Variants in CNTN2 observed in about 807,000 individuals in gnomAD.
CNTN2 encodes contactin-2.
In CNTN2, 53 loss-of-function variants were observed where a neutral mutation model predicts 117.5. That is an observed-to-expected ratio of 0.45 (90% confidence interval 0.36 to 0.57). The LOEUF is 0.57. Ranked by LOEUF, CNTN2 falls within the 20% of genes least tolerant of loss-of-function variation. The probability of loss-of-function intolerance (pLI) is 0.00; values close to 1 mark genes in which losing one functional copy is unlikely to be tolerated. For missense variants in CNTN2, 1,106 were observed against 1,404.3 expected, an observed-to-expected ratio of 0.79 and a Z score of 3.39; for synonymous variants, 530 against 561.7, an observed-to-expected ratio of 0.94 and a Z score of 0.80.
chr1:205,074,361 T>C lies in CNTN2; in HGVS notation c.*596T>C. 1 of 400,286 alleles carries C rather than the reference T, an allele frequency of 2.5e-6. No homozygotes were observed. Among genetic ancestry groups the C allele is most frequent in the Non-Finnish European group, 4.4e-6 (1 of 226,956 alleles). 24.8% of individuals were successfully genotyped at this position (400,286 alleles called of 1,614,324 possible). On this transcript the variant is annotated 3_prime_UTR_variant, in exon 23 of 23. Coordinates refer to ENST00000331830, the MANE Select transcript of CNTN2 (RefSeq NM_005076.5). The stretch of plus-strand genomic sequence containing the variant: ...GGCTGAGAACCAGCGCCCCGATGCC[T>C]GAGGCTGGGAGCCTGAGCCCCTTCA...
intron 2 of CNTN2, among the ~76,000 whole-genome samples, chr1:205,056,736 A>T (rs1243665073): frequency 6.6e-6 from 1 of 152,118 alleles, no homozygotes; most frequent in African/African-American, 2.4e-5. Context: ...AGCAAAACGG[A>T]CTGGCCCCAC....
chr1:205,064,403 A>G lies in CNTN2; in HGVS notation c.1322A>G (p.Gln441Arg). ...ARGGEILIPC[Q>R]PRAAPKAVVL... ...GGGGGAGAGATCCTTATCCCCTGCCAGCCCCGGGCAGCTCCAAAGGCCGTG... is the reference window on the plus strand; with the variant it reads ...GGGGGAGAGATCCTTATCCCCTGCCGGCCCCGGGCAGCTCCAAAGGCCGTG... Residue 441 changes from glutamine (Q) to arginine (R), a missense_variant, in exon 11 of 23, where the codon CAG becomes CGG. Transcript: ENST00000331830. 1 of 1,612,718 alleles carries G rather than the reference A, an allele frequency of 6.2e-7. No individual in the cohort carries two copies. Among genetic ancestry groups the G allele is most frequent in the South Asian group, 1.1e-5 (1 of 91,040 alleles).
chr1:205,063,758 T>C (rs1394652290), intron 10 of CNTN2: 1 of 151,814 alleles, frequency 6.6e-6, no homozygotes, highest in East Asian at 1.9e-4. Context: ...GTCAGAGAAG[T>C]CCTCTCTGAG....
In CNTN2 at chr1:205,058,006, C is replaced by T. The variant is rs1463735538; in HGVS notation, c.156C>T (p.Ser52=). 1 of 1,614,120 alleles carries T rather than the reference C, an allele frequency of 6.2e-7. No homozygotes were observed. Among genetic ancestry groups the T allele is most frequent in the Non-Finnish European group, 8.5e-7 (1 of 1,180,018 alleles). Residue 52 remains serine, a synonymous_variant, in exon 3 of 23, where the codon TCC becomes TCT. Transcript: ENST00000331830. This position sits in a 1 kb window ranked among gnomAD's most constrained non-coding sequence, Gnocchi z 4.3. ...TCAGTGTGCTATTCCCAGAGGAGTCCACGGAGGAGCAGGTGTTGCTGGCAT... is the reference window on the plus strand; with the variant it reads ...TCAGTGTGCTATTCCCAGAGGAGTCTACGGAGGAGCAGGTGTTGCTGGCAT... ...QPLSVLFPEE[S]TEEQVLLACR... is the part of the protein sequence containing the mutation.
At chr1:205,071,707 A>G (rs3820338) in intron 19 of CNTN2, among the ~76,000 whole-genome samples, 120,219 of 152,068 alleles carry the variant, frequency 0.79, 48,873 homozygotes, top group East Asian at 0.97. Flanking sequence ...CTGTGCCACC[A>G]GCTCCCTCCC....
In CNTN2 at chr1:205,061,988, C is replaced by T. The variant is rs2229866; in HGVS notation, c.1097C>T (p.Pro366Leu). 628,607 of 1,612,718 alleles carry T rather than the reference C, an allele frequency of 0.39. 135,211 individuals are homozygous for T. The highest frequency in any genetic ancestry group is 0.87 in the East Asian group (39,089 of 44,824). The change falls in exon 9 of 23, where the codon CCT becomes CTT. Residue 366 changes from proline to leucine, a missense_variant. Coordinates refer to ENST00000331830, the MANE Select transcript of CNTN2 (RefSeq NM_005076.5). This position sits in a 1 kb window ranked among gnomAD's most constrained non-coding sequence, Gnocchi z 4.8. ...PTVRWLRNGE[P>L]LASQNRVEVL... ...GTGCGCTGGCTGCGGAACGGGGAGC[C>T]TCTGGCCTCCCAGGTAGGAGACATG...
intron 17 of CNTN2, 105 bp downstream of exon 17, chr1:205,069,666 C>A: frequency 2.1e-6 from 3 of 1,435,386 alleles, no homozygotes; most frequent in South Asian, 2.4e-5. Flanking sequence ...ACGCGGATAA[C>A]TTCCTGTCCC....
intron 1 of CNTN2, among the ~76,000 whole-genome samples, chr1:205,045,176 G>A (rs1251366036): frequency 6.6e-6 from 1 of 152,132 alleles, no homozygotes; most frequent in Non-Finnish European, 1.5e-5. Context: ...GACTCCAGGA[G>A]TCTGCTCTCA....
At chr1:205,057,678 G>A (rs537038127) in intron 2 of CNTN2, 1 of 412,472 alleles carries the variant, frequency 2.4e-6, no homozygotes, top group Non-Finnish European at 4.3e-6. Context: ...GGCCTGCCCA[G>A]CCTATTTAAA....
chr1:205,067,454 T>A, intron 16 of CNTN2: 1 of 501,536 alleles, frequency 2.0e-6, no homozygotes, highest in Non-Finnish European at 3.4e-6. Context: ...ACTCCTCATT[T>A]AAAAACTGGC....
At chr1:205,044,270 G>T (rs1358922914) in intron 1 of CNTN2, among the ~76,000 whole-genome samples, 1 of 152,146 alleles carries the variant, frequency 6.6e-6, no homozygotes, top group African/African-American at 2.4e-5. Context: ...GCTGGAGGTG[G>T]GGGGCAGCCC....
chr1:205,071,039 A>C (rs1045762327), intron 19 of CNTN2, among the ~76,000 whole-genome samples: 3 of 150,836 alleles, frequency 2.0e-5, no homozygotes, highest in African/African-American at 7.3e-5. Context: ...CCCATTGGGG[A>C]AGACAGACCC....
Position 205,072,463 on chromosome 1 carries a change from C to T in CNTN2, c.2732-20C>T, listed in dbSNP as rs752392617. ...CCAGGGAAACGTTTGGACATCTCTCCAATTCTTCCTCTCTGGCAGCTCCGC... is the reference window on the plus strand; with the variant it reads ...CCAGGGAAACGTTTGGACATCTCTCTAATTCTTCCTCTCTGGCAGCTCCGC... On this transcript the variant is annotated intron_variant, in intron 20 of 22. Transcript: ENST00000331830. 1.9e-6 allele frequency: 3 copies of T among 1,606,058 alleles called. No homozygotes were observed. The highest frequency in any genetic ancestry group is 3.3e-5 in the Admixed American group (2 of 60,004).
At chr1:205,071,079 T>C (rs901188950) in intron 19 of CNTN2, among the ~76,000 whole-genome samples, 2 of 151,366 alleles carry the variant, frequency 1.3e-5, no homozygotes, top group Non-Finnish European at 2.9e-5. Context: ...AATGCTTGGC[T>C]AGAGCCAGCA....
At position 205,059,190 on chromosome 1, in the gene CNTN2, T is replaced by C. The variant is rs143234717; in HGVS notation, c.594T>C (p.Asn198=). The change falls in exon 6 of 23, where the codon AAT becomes AAC. Residue 198 remains asparagine (N), a synonymous_variant. Transcript: ENST00000331830. The surrounding 1 kb of genome is among the most constrained non-coding windows in gnomAD (Gnocchi z 5.6). ...GGAACCTGTACATTGCCCGAACCAA[T>C]GCCTCAGACCTGGGCAACTACTCCT... ...TTGNLYIART[N]ASDLGNYSCL... is the part of the protein sequence containing the mutation. 3 of 1,614,062 alleles carry C rather than the reference T, an allele frequency of 1.9e-6. No homozygotes were observed. The highest frequency in any genetic ancestry group is 1.3e-5 in the African/African-American group (1 of 74,932).
At chr1:205,047,088 G>C (rs931034405) in intron 1 of CNTN2, among the ~76,000 whole-genome samples, 2 of 152,302 alleles carry the variant, frequency 1.3e-5, no homozygotes, top group East Asian at 3.9e-4. Flanking sequence ...GCTGGGCCTC[G>C]GGGAAGCAGC....
Position 205,058,557 on chromosome 1 carries a change from T to C in CNTN2, c.392-11T>C. On this transcript the variant is annotated splice_polypyrimidine_tract_variant and intron_variant, in intron 4 of 22. Coordinates refer to ENST00000331830, the MANE Select transcript of CNTN2 (RefSeq NM_005076.5). This position sits in a 1 kb window ranked among gnomAD's most constrained non-coding sequence, Gnocchi z 4.3. ...GAGGACAGTGCCTGAGCCCCTGGTCTCTGCCTCCAGTTCTGCAGGAATTCT... is the reference window on the plus strand; with the variant it reads ...GAGGACAGTGCCTGAGCCCCTGGTCCCTGCCTCCAGTTCTGCAGGAATTCT... The C allele has an allele frequency of 1.9e-6, 3 of 1,613,148 alleles. No homozygotes were observed. The highest frequency in any genetic ancestry group is 2.5e-6 in the Non-Finnish European group (3 of 1,179,646).
Position 205,059,915 on chromosome 1 carries a change from G to T in CNTN2, c.797+233G>T, listed in dbSNP as rs1441401994. The T allele has an allele frequency of 7.3e-6, 4 of 548,048 alleles. No individual in the cohort carries two copies. Among genetic ancestry groups the T allele is most frequent in the Non-Finnish European group, 9.9e-6 (3 of 303,444 alleles). 33.9% of individuals were successfully genotyped at this position (548,048 alleles called of 1,614,324 possible). On this transcript the variant is annotated intron_variant, in intron 7 of 22. Transcript: ENST00000331830. The surrounding 1 kb of genome is among the most constrained non-coding windows in gnomAD (Gnocchi z 5.6). ...CAGGATCACTTGGTCTTCCAGCAGT[G>T]CATGGCAGGCTCAGACAGCTTGAGT...
At chr1:205,050,870 C>A (rs1255147767) in intron 1 of CNTN2, among the ~76,000 whole-genome samples, 1 of 152,178 alleles carries the variant, frequency 6.6e-6, no homozygotes, top group Non-Finnish European at 1.5e-5. Context: ...CCACCCGCCT[C>A]GGCCTCCCAA....
Sources: allele counts gnomAD v4.1 joint callset (sites outside exome capture counted in the v4.1 genomes callset), GRCh38; gene constraint gnomAD v4.1.1; non-coding constraint Gnocchi (gnomAD v3.1); transcripts MANE v1.5; gene names NCBI Gene and HGNC (gene_info 2026-07-23, HGNC 2026-07-21).